Variants in HDAC9 observed in about 807,000 individuals in gnomAD.
HDAC9 encodes the protein MEF-2 interacting transcription repressor (MITR) protein.
HDAC9 carries 41 observed loss-of-function variants against 139.4 expected under a neutral mutation model. That is an observed-to-expected ratio of 0.29 (90% CI 0.23 to 0.38). The LOEUF (loss-of-function observed/expected upper bound fraction) is 0.38. HDAC9 is among the 10% of genes least tolerant of loss of function. The pLI, the probability that HDAC9 is intolerant of heterozygous loss-of-function variation, is 1.00. For synonymous variants in HDAC9, 517 were observed against 476.2 expected (o/e 1.09, Z -1.12); for missense variants, 1,147 against 1,297.0 (o/e 0.88, Z 1.78).
chr7:18,399,911 A>G (rs894943809), intron 1 of HDAC9, among the ~76,000 whole-genome samples: 4 of 152,210 alleles, frequency 2.6e-5, no homozygotes, highest in African/African-American at 9.7e-5. Flanking sequence ...AGGCTGGGGA[A>G]CAGCGAGGAT....
chr7:19,001,643 G>A lies in HDAC9; in HGVS notation c.*5581G>A, dbSNP rs568102153. On this transcript the variant is annotated 3_prime_UTR_variant, in exon 26 of 26. Coordinates refer to ENST00000686413, the MANE Select transcript of HDAC9 (RefSeq NM_178425.4). ...AGGGTTGTTTTTAGATAAAACTCCC[G>A]ATTTGTTCTTCCTACACTTTAATAG... is the stretch of plus-strand genomic sequence containing the variant. 33 of 151,666 alleles carry A rather than the reference G, an allele frequency of 2.2e-4. No individual in the cohort carries two copies. The highest frequency in any genetic ancestry group is 3.1e-4 in the African/African-American group (13 of 41,308). 9.4% of individuals were successfully genotyped at this position (151,666 alleles called of 1,614,324 possible). A position where few individuals can be genotyped will look rare whatever the true frequency, so the allele number is the denominator to read the frequency against.
rs534917234 is a variant in HDAC9, at chr7:18,465,420, A to G, written c.-41-30842A>G. Among the ~76,000 whole-genome samples the G allele has an allele frequency of 1.8e-4, 27 of 152,144 alleles. No homozygotes were observed. In the South Asian group the frequency reaches 5.6e-3, roughly 32 times the overall value. On this transcript the variant is annotated intron_variant, in intron 1 of 3. Transcript: ENST00000413509. ...CCTTCACTGTGATCCTTCATTATATATTCATTATTAAGAAAGAGGAAATAC... is the reference window on the plus strand; with the variant it reads ...CCTTCACTGTGATCCTTCATTATATGTTCATTATTAAGAAAGAGGAAATAC...
chr7:18,776,751 T>A (rs547783507), intron 16 of HDAC9, among the ~76,000 whole-genome samples: 17 of 151,962 alleles, frequency 1.1e-4, no homozygotes, highest in Middle Eastern at 3.4e-3. Context: ...TGGTTTCTTG[T>A]GGTGACTGAC....
chr7:18,609,220 T>G (rs1836400623), intron 6 of HDAC9, among the ~76,000 whole-genome samples: 1 of 152,192 alleles, frequency 6.6e-6, no homozygotes, highest in Non-Finnish European at 1.5e-5. Context: ...AGTTCTATAT[T>G]GGCATGGTTC....
chr7:18,300,843 G>A (rs1022268843), intron 1 of HDAC9, among the ~76,000 whole-genome samples: 7 of 151,972 alleles, frequency 4.6e-5, no homozygotes, highest in African/African-American at 1.2e-4. Flanking sequence ...AATACTTCTA[G>A]GAAAAATATA....
chr7:18,806,518 T>A lies in HDAC9; in HGVS notation c.2322+13066T>A, dbSNP rs548533751. On this transcript the variant is annotated intron_variant, in intron 17 of 25. Coordinates refer to ENST00000686413, the MANE Select transcript of HDAC9 (RefSeq NM_178425.4). ...AATATGGCATGGAATCCTCATGTTG[T>A]CATTTTTCTAACCCTTTCTGTCATT... Among the ~76,000 whole-genome samples the A allele has an allele frequency of 4.6e-5, 7 of 152,314 alleles. No homozygotes were observed. The East Asian group carries it at 1.4e-3, about 29-fold the overall frequency.
intron 1 of HDAC9, among the ~76,000 whole-genome samples, chr7:18,380,403 G>T (rs1484113253): frequency 6.6e-6 from 1 of 152,180 alleles, no homozygotes; most frequent in Non-Finnish European, 1.5e-5. Context: ...AAATTAAATT[G>T]TATTGATTAA....
intron 22 of HDAC9, among the ~76,000 whole-genome samples, chr7:18,886,708 T>A (rs1800186263): frequency 1.3e-5 from 2 of 152,200 alleles, no homozygotes; most frequent in African/African-American, 4.8e-5. Context: ...ATATTTTCTT[T>A]ACAGACTTCC....
At chr7:18,651,714 T>C (rs1789333983) in intron 11 of HDAC9, among the ~76,000 whole-genome samples, 2 of 152,282 alleles carry the variant, frequency 1.3e-5, no homozygotes, top group South Asian at 4.1e-4. Flanking sequence ...TTATTAATCA[T>C]ACAAAATAAT....
chr7:18,538,668 T>C (rs1396698263), intron 2 of HDAC9, among the ~76,000 whole-genome samples: 1 of 152,218 alleles, frequency 6.6e-6, no homozygotes, highest in Non-Finnish European at 1.5e-5. Context: ...GGATAAATTA[T>C]GCTTGCAATA....
intron 2 of HDAC9, among the ~76,000 whole-genome samples, chr7:18,282,035 G>GCT (rs1440193529): frequency 2.0e-5 from 3 of 152,092 alleles, no homozygotes; most frequent in African/African-American, 7.2e-5. Flanking sequence ...AAACTATATA[G>GCT]TAAAGCGTTT....
chr7:18,169,128 G>T (rs969232951), intron 2 of HDAC9, among the ~76,000 whole-genome samples: 1 of 151,858 alleles, frequency 6.6e-6, no homozygotes, highest in African/African-American at 2.4e-5. Context: ...GTAGAGATGG[G>T]GTTTCACCAT....
intron 1 of HDAC9, among the ~76,000 whole-genome samples, chr7:18,131,656 A>G (rs964817743): frequency 3.9e-5 from 6 of 152,136 alleles, no homozygotes; most frequent in Admixed American, 3.3e-4. Context: ...AGCTTTGGTC[A>G]TTGTCACTAC....
chr7:18,227,490 A>AT (rs556655463), intron 2 of HDAC9, among the ~76,000 whole-genome samples: 82 of 148,396 alleles, frequency 5.5e-4, no homozygotes, highest in Non-Finnish European at 4.3e-4. Context: ...TTGCACAGCA[A>AT]TTTTTTTTTT....
chr7:18,813,496 G>T (rs1381764536), intron 17 of HDAC9, among the ~76,000 whole-genome samples: 3 of 152,080 alleles, frequency 2.0e-5, no homozygotes, highest in Admixed American at 2.0e-4. Flanking sequence ...ACTCATAAAG[G>T]ACAAAGTCAA....
intron 22 of HDAC9, among the ~76,000 whole-genome samples, chr7:18,932,540 G>A (rs2129306679): frequency 6.6e-6 from 1 of 152,222 alleles, no homozygotes; most frequent in Admixed American, 6.5e-5. Flanking sequence ...ATCGGTCGGA[G>A]TTGGAACATT....
intron 6 of HDAC9, among the ~76,000 whole-genome samples, chr7:18,618,726 G>GTATA (rs71014394): frequency 0.023 from 2,786 of 119,782 alleles, 51 homozygotes; most frequent in Middle Eastern, 0.042. Flanking sequence ...ACAGAATTTT[G>GTATA]TATATATATA....
intron 1 of HDAC9, among the ~76,000 whole-genome samples, chr7:18,152,196 G>A (rs1786831993): frequency 6.6e-6 from 1 of 151,726 alleles, no homozygotes; most frequent in Non-Finnish European, 1.5e-5. Context: ...ATGTCATAAT[G>A]TCTCACATAT....
intron 1 of HDAC9, among the ~76,000 whole-genome samples, chr7:18,094,612 T>A (rs1584001658): frequency 1.3e-5 from 2 of 152,230 alleles, no homozygotes; most frequent in South Asian, 4.2e-4. Context: ...AAAAAAATTA[T>A]TTATTGTTTA....
Sources: gnomAD v4.1 joint callset for allele counts (sites outside exome capture counted in the v4.1 genomes callset) on GRCh38, gnomAD v4.1.1 for gene constraint, MANE v1.5 for transcripts, NCBI Gene and HGNC (gene_info 2026-07-23, HGNC 2026-07-21) for gene names.